The following ASXL3 variants were observed in gnomAD, a reference collection of about 807,000 sequenced individuals.
The protein encoded by ASXL3 is putative Polycomb group protein ASXL3.
Under a neutral mutation model 170.6 loss-of-function variants are expected in ASXL3, and 34 were observed. The observed-to-expected ratio is 0.20, with a 90% CI of 0.15 to 0.27. The LOEUF (loss-of-function observed/expected upper bound fraction) is 0.27. Ranked by LOEUF, ASXL3 falls within the 10% of genes least tolerant of loss-of-function variation. ASXL3 has a pLI of 1.00. For synonymous variants in ASXL3, 1,002 were observed against 989.1 expected, an observed-to-expected ratio of 1.01 and a Z score of -0.24; for missense variants, 2,592 against 2,695.3, an observed-to-expected ratio of 0.96 and a Z score of 0.85.
At chr18:33,729,220 G>A (rs969335538) in intron 8 of ASXL3, among the ~76,000 whole-genome samples, 10 of 152,158 alleles carry the variant, frequency 6.6e-5, no homozygotes, top group Non-Finnish European at 8.8e-5. Context: ...GACAACTGTC[G>A]CTCATTTATT....
At chr18:33,677,228 A>T (rs1380301571) in intron 7 of ASXL3, among the ~76,000 whole-genome samples, 1 of 152,154 alleles carries the variant, frequency 6.6e-6, no homozygotes, top group Non-Finnish European at 1.5e-5. Flanking sequence ...AATGGCACAT[A>T]CTCTTTAAAT....
In ASXL3 at chr18:33,746,687, A is replaced by G. The variant is rs2067800829; in HGVS notation, c.*92A>G. ...ATAGAATAATGCAGTGGTTTCTATCATGCTAATTTATTTTGCTTTGGAGCA... is the reference window on the plus strand; with the variant it reads ...ATAGAATAATGCAGTGGTTTCTATCGTGCTAATTTATTTTGCTTTGGAGCA... On this transcript the variant is annotated 3_prime_UTR_variant, in exon 12 of 12. Coordinates refer to ENST00000269197, the MANE Select transcript of ASXL3 (RefSeq NM_030632.3). The G allele has an allele frequency of 1.4e-5, 21 of 1,472,684 alleles. No individual in the cohort carries two copies. In the South Asian group the frequency reaches 2.1e-4, roughly 15 times the overall value. The allele number at this position is 1,472,684 out of a possible 1,614,324, so 91.2% of individuals were successfully genotyped here.
intron 8 of ASXL3, among the ~76,000 whole-genome samples, chr18:33,691,974 G>A (rs910690487): frequency 6.6e-6 from 1 of 152,136 alleles, no homozygotes; most frequent in African/African-American, 2.4e-5. Flanking sequence ...AGAAGCTGAG[G>A]GTCAGGGAGG....
At chr18:33,598,680 G>C (rs1026761587) in intron 1 of ASXL3, among the ~76,000 whole-genome samples, 2 of 152,308 alleles carry the variant, frequency 1.3e-5, no homozygotes, top group African/African-American at 4.8e-5. Context: ...CTTTCAAGGA[G>C]ATGTGATAAG....
At chr18:33,699,960 A>C (rs536927113) in intron 8 of ASXL3, among the ~76,000 whole-genome samples, 28 of 152,060 alleles carry the variant, frequency 1.8e-4, no homozygotes, top group African/African-American at 6.3e-4. Flanking sequence ...TATAATTAGC[A>C]TACTTTTTGA....
intron 2 of ASXL3, among the ~76,000 whole-genome samples, chr18:33,629,633 T>C (rs1272233640): frequency 1.3e-5 from 2 of 152,034 alleles, no homozygotes; most frequent in African/African-American, 2.4e-5. Flanking sequence ...CATATTCTCC[T>C]TTTTCGTTAT....
chr18:33,596,996 T>C (rs774536761), intron 1 of ASXL3, among the ~76,000 whole-genome samples: 15 of 152,194 alleles, frequency 9.9e-5, no homozygotes, highest in Middle Eastern at 3.4e-3. Context: ...TATCTTTTTG[T>C]AGAGACCAGG....
intron 2 of ASXL3, among the ~76,000 whole-genome samples, chr18:33,642,258 T>G (rs986629314): frequency 2.0e-5 from 3 of 152,022 alleles, no homozygotes; most frequent in Admixed American, 1.3e-4. Flanking sequence ...ATGGAATTGA[T>G]GAGGATAGCA....
At chr18:33,716,560 A>G (rs544248399) in intron 8 of ASXL3, among the ~76,000 whole-genome samples, 1 of 152,192 alleles carries the variant, frequency 6.6e-6, no homozygotes, top group Admixed American at 6.6e-5. Flanking sequence ...ATGAAATAGG[A>G]GAGTTGTATG....
intron 11 of ASXL3, 95 bp downstream of exon 11, chr18:33,740,538 A>G (rs2067645725): frequency 8.1e-7 from 1 of 1,231,308 alleles, no homozygotes; most frequent in Non-Finnish European, 1.1e-6. Context: ...TCTTCCTTCT[A>G]GGTTTTATGC....
chr18:33,705,632 C>A (rs1469536372), intron 8 of ASXL3, among the ~76,000 whole-genome samples: 2 of 151,744 alleles, frequency 1.3e-5, no homozygotes, highest in African/African-American at 4.8e-5. Context: ...TTATGAATGC[C>A]AAATGTTCCT....
chr18:33,664,889 C>T lies in ASXL3; in HGVS notation c.477+3152C>T, dbSNP rs556189240. Among the ~76,000 whole-genome samples the T allele has an allele frequency of 6.6e-5, 10 of 152,278 alleles. No individual in the cohort carries two copies. In the South Asian group the frequency reaches 1.4e-3, roughly 22 times the overall value. ...CCCTTTTACTTTCTAATCCTCAAAA[C>T]GTTAGTTAACATCATATGTTGGGCA... On this transcript the variant is annotated intron_variant, in intron 5 of 11. Coordinates refer to ENST00000269197, the MANE Select transcript of ASXL3 (RefSeq NM_030632.3).
intron 8 of ASXL3, among the ~76,000 whole-genome samples, chr18:33,709,752 C>T (rs773578204): frequency 1.1e-4 from 16 of 152,160 alleles, no homozygotes; most frequent in Admixed American, 5.2e-4. Flanking sequence ...ATATGTTACA[C>T]TTCAAGGAAA....
At chr18:33,709,803 T>C (rs2067025377) in intron 8 of ASXL3, among the ~76,000 whole-genome samples, 1 of 152,216 alleles carries the variant, frequency 6.6e-6, no homozygotes, top group Admixed American at 6.5e-5. Flanking sequence ...TGACTATTCT[T>C]CCGCCCTAAC....
intron 1 of ASXL3, among the ~76,000 whole-genome samples, chr18:33,591,538 C>T (rs1301697254): frequency 6.6e-6 from 1 of 151,944 alleles, no homozygotes; most frequent in Non-Finnish European, 1.5e-5. Context: ...AAACCAAGTT[C>T]CAGTAACTAA....
chr18:33,708,385 G>A (rs866798810), intron 8 of ASXL3, among the ~76,000 whole-genome samples: 1 of 152,228 alleles, frequency 6.6e-6, no homozygotes, highest in Middle Eastern at 3.4e-3. Context: ...TATTGAATGT[G>A]TACATGTTGA....
At position 33,739,936 on chromosome 18, in the gene ASXL3, T is replaced by C; in HGVS notation, c.2532T>C (p.Thr844=). ...SQQTCKSHVD[T]EKPYPASIPE... ...AAACCTGTAAATCACATGTTGACACTGAGAAGCCCTACCCTGCTTCAATTC... is the reference window on the plus strand; with the variant it reads ...AAACCTGTAAATCACATGTTGACACCGAGAAGCCCTACCCTGCTTCAATTC... Residue 844 remains threonine (T), a synonymous_variant, in exon 11 of 12, where the codon ACT becomes ACC. Transcript: ENST00000269197. 6.2e-7 allele frequency: 1 copy of C among 1,613,982 alleles called. No individual in the cohort carries two copies. The highest frequency in any genetic ancestry group is 8.5e-7 in the Non-Finnish European group (1 of 1,179,894).
chr18:33,725,251 T>A (rs1255760207), intron 8 of ASXL3, among the ~76,000 whole-genome samples: 5 of 152,124 alleles, frequency 3.3e-5, no homozygotes. Context: ...CTAAAGATCC[T>A]ATTGATTTTT....
At chr18:33,712,682 A>G (rs1344932161) in intron 8 of ASXL3, among the ~76,000 whole-genome samples, 2 of 152,100 alleles carry the variant, frequency 1.3e-5, no homozygotes, top group Non-Finnish European at 2.9e-5. Flanking sequence ...TACTCCTGAA[A>G]CTTTCTGCAG....
Sources: gnomAD v4.1 joint callset for allele counts (sites outside exome capture counted in the v4.1 genomes callset) on GRCh38, gnomAD v4.1.1 for gene constraint, MANE v1.5 for transcripts, NCBI Gene and HGNC (gene_info 2026-07-23, HGNC 2026-07-21) for gene names.